Variants in PKIB observed in about 807,000 individuals in gnomAD.
The protein encoded by PKIB is cAMP-dependent protein kinase inhibitor beta, also known as PKI-beta.
Under a neutral mutation model 4.5 loss-of-function variants are expected in PKIB, and 2 were observed. That is an observed-to-expected ratio of 0.44 (90% CI 0.18 to 1.39). The LOEUF (loss-of-function observed/expected upper bound fraction) is 1.39, where lower values mean the gene tolerates loss of function less well. Ranked by LOEUF, PKIB falls within the 40% of genes most tolerant of loss-of-function variation. The probability of loss-of-function intolerance (pLI) is 0.27; values close to 1 mark genes in which losing one functional copy is unlikely to be tolerated. For synonymous variants in PKIB, 38 were observed against 36.0 expected (o/e 1.06, Z -0.20); for missense variants, 94 against 92.6 (o/e 1.02, Z -0.06).
intron 3 of PKIB, among the ~76,000 whole-genome samples, chr6:122,594,427 G>T (rs943108841): frequency 1.3e-5 from 2 of 151,990 alleles, no homozygotes; most frequent in African/African-American, 4.8e-5. Flanking sequence ...GGATTGTCTC[G>T]ATCTCCTGAC....
At chr6:122,619,921 A>G (rs1406550938) in intron 1 of PKIB, among the ~76,000 whole-genome samples, 1 of 152,098 alleles carries the variant, frequency 6.6e-6, no homozygotes, top group African/African-American at 2.4e-5. Flanking sequence ...ATTAATCTAT[A>G]TTATTAACTT....
At chr6:122,587,481 A>G (rs1314699534) in intron 3 of PKIB, among the ~76,000 whole-genome samples, 1 of 152,204 alleles carries the variant, frequency 6.6e-6, no homozygotes, top group African/African-American at 2.4e-5. Flanking sequence ...GTGCTGCAAT[A>G]AACATACGTG....
intron 1 of PKIB, among the ~76,000 whole-genome samples, chr6:122,619,087 C>T (rs1256234129): frequency 6.6e-6 from 1 of 151,950 alleles, no homozygotes; most frequent in East Asian, 1.9e-4. Context: ...CCTGTTTTTT[C>T]AATCTGTTTG....
At chr6:122,708,544 A>G (rs1283820332) in intron 3 of PKIB, among the ~76,000 whole-genome samples, 2 of 152,174 alleles carry the variant, frequency 1.3e-5, no homozygotes, top group Admixed American at 6.5e-5. Flanking sequence ...GCAGAAACGT[A>G]GACAGGTTTG....
intron 2 of PKIB, among the ~76,000 whole-genome samples, chr6:122,637,392 T>C (rs1775961156): frequency 1.3e-5 from 2 of 152,196 alleles, no homozygotes; most frequent in African/African-American, 2.4e-5. Flanking sequence ...TAATTTGCTA[T>C]TTTATCTCCT....
intron 2 of PKIB, among the ~76,000 whole-genome samples, chr6:122,487,313 G>C (rs1167386005): frequency 6.6e-6 from 1 of 152,062 alleles, no homozygotes. Context: ...ATGAAAGTTA[G>C]TTAAATTGTA....
In PKIB at chr6:122,691,412, A is replaced by G. The variant is rs542098451; in HGVS notation, c.-9+16268A>G. On this transcript the variant is annotated intron_variant, in intron 3 of 4. Transcript: ENST00000368452. ...TTTTGTCTGCTCTGACTGTATTTTC[A>G]GATAACTTGTCTTCAAGGTCACTAA... Among the ~76,000 whole-genome samples the G allele has an allele frequency of 3.0e-4, 46 of 152,090 alleles. 1 individual carries two copies. Among genetic ancestry groups the G allele is most frequent in the Non-Finnish European group, 6.3e-4 (43 of 68,012 alleles).
intron 3 of PKIB, among the ~76,000 whole-genome samples, chr6:122,717,120 G>C (rs1395712394): frequency 6.6e-6 from 1 of 152,070 alleles, no homozygotes; most frequent in Admixed American, 6.6e-5. Flanking sequence ...TTCTTAGAGA[G>C]AGACAATTGC....
At chr6:122,556,102 CA>C (rs1448541279) in intron 2 of PKIB, among the ~76,000 whole-genome samples, 1 of 152,152 alleles carries the variant, frequency 6.6e-6, no homozygotes. Flanking sequence ...GATGATGGGG[CA>C]GTTCCTCCAT....
At chr6:122,500,101 T>C (rs1347978599) in intron 2 of PKIB, among the ~76,000 whole-genome samples, 2 of 152,210 alleles carry the variant, frequency 1.3e-5, no homozygotes, top group African/African-American at 4.8e-5. Flanking sequence ...AAGAATCATA[T>C]TATTAAAATG....
At chr6:122,683,674 C>T (rs1471285958) in intron 3 of PKIB, among the ~76,000 whole-genome samples, 3 of 152,150 alleles carry the variant, frequency 2.0e-5, no homozygotes, top group Admixed American at 2.0e-4. Flanking sequence ...ACAATCTACT[C>T]CCAAGCAAGA....
intron 2 of PKIB, among the ~76,000 whole-genome samples, chr6:122,654,036 G>A (rs941548695): frequency 3.9e-5 from 6 of 152,122 alleles, no homozygotes; most frequent in Non-Finnish European, 7.4e-5. Flanking sequence ...GCCTTTCCCC[G>A]TCTCCAATTA....
chr6:122,615,538 G>T (rs1385834477), intron 1 of PKIB, among the ~76,000 whole-genome samples: 1 of 151,514 alleles, frequency 6.6e-6, no homozygotes, highest in African/African-American at 2.5e-5. Context: ...GACTTCATGG[G>T]TGTACTGAGT....
chr6:122,631,715 CT>C (rs1775711672), intron 1 of PKIB, among the ~76,000 whole-genome samples: 1 of 152,148 alleles, frequency 6.6e-6, no homozygotes, highest in Non-Finnish European at 1.5e-5. Context: ...AAATCACCAG[CT>C]GATAAATAGA....
intron 4 of PKIB, among the ~76,000 whole-genome samples, chr6:122,722,916 AT>A (rs1779800121): frequency 6.6e-6 from 1 of 152,168 alleles, no homozygotes; most frequent in African/African-American, 2.4e-5. Flanking sequence ...CTATTTCAAG[AT>A]CACAAATGAC....
chr6:122,554,170 A>T (rs189229180), intron 2 of PKIB, among the ~76,000 whole-genome samples: 1 of 152,202 alleles, frequency 6.6e-6, no homozygotes, highest in African/African-American at 2.4e-5. Flanking sequence ...ATACACAAGG[A>T]CTACTAGACT....
In PKIB at chr6:122,537,574, A is replaced by G. The variant is rs567593325; in HGVS notation, c.-247-48347A>G. On this transcript the variant is annotated intron_variant, in intron 2 of 6. Transcript: ENST00000392491. ...GTGCCACATTTTCTTCATCCAGTCT[A>G]TCGTTGTTGGACATTAGGGTTGGTT... is the stretch of plus-strand genomic sequence containing the variant. Among the ~76,000 whole-genome samples, 233 of 152,222 alleles carry G rather than the reference A, an allele frequency of 1.5e-3. 3 individuals carry two copies. Among genetic ancestry groups the G allele is most frequent in the Non-Finnish European group, 2.7e-3 (187 of 68,018 alleles).
At chr6:122,622,328 C>T (rs9490500) in intron 1 of PKIB, among the ~76,000 whole-genome samples, 55,436 of 151,592 alleles carry the variant, frequency 0.37, 10,723 homozygotes, top group Middle Eastern at 0.44. Context: ...AATACTTAGA[C>T]TATTTTTGCC....
In PKIB at chr6:122,715,096, T is replaced by A. The variant is rs562900240; in HGVS notation, c.-8-2691T>A. 5.9e-5 allele frequency among the ~76,000 whole-genome samples: 9 copies of A among 151,524 alleles called. No homozygotes were observed. The East Asian group carries it at 1.7e-3, about 29-fold the overall frequency. The stretch of plus-strand genomic sequence containing the variant: ...CACCACGCTGAGCCAAAAAAAAAAA[T>A]ATTTAAAAAAAAAGGAATTTCTCTT... On this transcript the variant is annotated intron_variant, in intron 3 of 4. Transcript: ENST00000368452.
Sources: allele counts gnomAD v4.1 joint callset (sites outside exome capture counted in the v4.1 genomes callset), GRCh38; gene constraint gnomAD v4.1.1; transcripts MANE v1.5; gene names NCBI Gene and HGNC (gene_info 2026-07-23, HGNC 2026-07-21).